The following SPECC1 variants were observed in gnomAD, a reference collection of about 807,000 sequenced individuals.
SPECC1 encodes cytospin-B.
SPECC1 carries 62 observed loss-of-function variants against 104.1 expected under a neutral mutation model. The ratio of observed to expected loss-of-function variants is 0.60; its 90% CI spans 0.49 to 0.74. The LOEUF (loss-of-function observed/expected upper bound fraction) is 0.74, where lower values mean the gene tolerates loss of function less well. Among genes scored for constraint, SPECC1 ranks in the 30% least tolerant of loss-of-function variants. The pLI, the probability that SPECC1 is intolerant of heterozygous loss-of-function variation, is 0.00. For missense variants in SPECC1, 1,306 were observed against 1,310.5 expected, an observed-to-expected ratio of 1.00 and a Z score of 0.05; for synonymous variants, 513 against 501.6, an observed-to-expected ratio of 1.02 and a Z score of -0.30.
chr17:20,194,606 A>G (rs1274721670), intron 3 of SPECC1, among the ~76,000 whole-genome samples: 1 of 145,398 alleles, frequency 6.9e-6, no homozygotes, highest in Non-Finnish European at 1.5e-5. Flanking sequence ...TCCCAGGTTC[A>G]AGCGATTCCC....
chr17:20,098,688 C>T (rs1036008931), intron 2 of SPECC1, among the ~76,000 whole-genome samples: 1 of 152,216 alleles, frequency 6.6e-6, no homozygotes, highest in African/African-American at 2.4e-5. Flanking sequence ...GTGTTTGCTG[C>T]TCCCTCTGCC....
chr17:20,211,098 C>G (rs2037117649), intron 4 of SPECC1, among the ~76,000 whole-genome samples: 1 of 152,226 alleles, frequency 6.6e-6, no homozygotes. Context: ...CTGACCCACC[C>G]TGGCCCTCAG....
intron 1 of SPECC1, among the ~76,000 whole-genome samples, chr17:20,047,451 T>C (rs977281124): frequency 6.6e-6 from 1 of 152,216 alleles, no homozygotes; most frequent in African/African-American, 2.4e-5. Flanking sequence ...TTTCTTGGCA[T>C]ATGCTAAACC....
intron 1 of SPECC1, among the ~76,000 whole-genome samples, chr17:20,027,043 T>C (rs1455233819): frequency 1.3e-5 from 2 of 152,170 alleles, no homozygotes; most frequent in African/African-American, 4.8e-5. Flanking sequence ...TTAGTGATGG[T>C]GAGCATTTTT....
At chr17:20,026,993 G>A (rs942619792) in intron 1 of SPECC1, among the ~76,000 whole-genome samples, 12 of 152,064 alleles carry the variant, frequency 7.9e-5, no homozygotes, top group African/African-American at 2.9e-4. Context: ...TGGAGTGAGA[G>A]GATATCTCAT....
intron 1 of SPECC1, among the ~76,000 whole-genome samples, chr17:20,021,683 A>AATATAT (rs201043286): frequency 3.8e-5 from 5 of 132,368 alleles, no homozygotes; most frequent in African/African-American, 1.4e-4. Flanking sequence ...ATAATATAAT[A>AATATAT]ATATATATAT....
intron 12 of SPECC1, among the ~76,000 whole-genome samples, chr17:20,284,345 G>A (rs550476183): frequency 1.3e-5 from 2 of 152,364 alleles, no homozygotes; most frequent in East Asian, 3.9e-4. Context: ...CATCAGAAAG[G>A]AGGATGCTGT....
At chr17:20,160,611 A>G (rs2151125550) in intron 3 of SPECC1, among the ~76,000 whole-genome samples, 1 of 152,352 alleles carries the variant, frequency 6.6e-6, no homozygotes, top group Admixed American at 6.5e-5. Flanking sequence ...ACACCCATGT[A>G]CCAACCACCT....
chr17:20,301,371 C>T (rs1598168260), intron 13 of SPECC1, among the ~76,000 whole-genome samples: 2 of 151,508 alleles, frequency 1.3e-5, no homozygotes, highest in African/African-American at 2.4e-5. Context: ...CCAGCCCCAG[C>T]CTGGAGCCGT....
At chr17:20,299,385 T>G (rs1170852210) in intron 13 of SPECC1, among the ~76,000 whole-genome samples, 1 of 87,722 alleles carries the variant, frequency 1.1e-5, no homozygotes, top group East Asian at 2.4e-4. Flanking sequence ...CAGACCTCCA[T>G]TTCTACAAAA....
chr17:20,158,076 A>G (rs1484111439), intron 3 of SPECC1, among the ~76,000 whole-genome samples: 1 of 152,164 alleles, frequency 6.6e-6, no homozygotes, highest in Non-Finnish European at 1.5e-5. Context: ...AGATCCTGGA[A>G]ATTAGAGCTT....
intron 4 of SPECC1, among the ~76,000 whole-genome samples, chr17:20,210,046 A>G (rs1358725201): frequency 1.3e-5 from 2 of 152,296 alleles, no homozygotes; most frequent in African/African-American, 4.8e-5. Context: ...CAGAGGTGAA[A>G]TGACTAGTGT....
chr17:20,265,391 A>G (rs867980360), intron 12 of SPECC1, among the ~76,000 whole-genome samples: 21 of 152,258 alleles, frequency 1.4e-4, no homozygotes, highest in African/African-American at 4.6e-4. Context: ...TGTTTATTGA[A>G]TGTATATATG....
At chr17:20,290,507 T>A (rs1383953492) in intron 12 of SPECC1, 1 of 151,964 alleles carries the variant, frequency 6.6e-6, no homozygotes, top group Non-Finnish European at 1.5e-5. Context: ...GATTTTTATT[T>A]TTATGTATTT....
At chr17:20,195,747 T>G (rs2035990912) in intron 3 of SPECC1, among the ~76,000 whole-genome samples, 2 of 152,238 alleles carry the variant, frequency 1.3e-5, no homozygotes, top group South Asian at 2.1e-4. Flanking sequence ...TTAGTAGAGA[T>G]AGAGTTTTGC....
At chr17:20,069,264 G>A (rs957615334) in intron 1 of SPECC1, among the ~76,000 whole-genome samples, 1 of 152,190 alleles carries the variant, frequency 6.6e-6, no homozygotes, top group African/African-American at 2.4e-5. Context: ...CTCCATCCAT[G>A]TCCCTATAAA....
At chr17:20,145,428 G>T (rs987701918) in intron 3 of SPECC1, among the ~76,000 whole-genome samples, 27 of 152,186 alleles carry the variant, frequency 1.8e-4, no homozygotes, top group African/African-American at 6.3e-4. Context: ...AAGGGTGCAG[G>T]TTCTTTCCAT....
intron 4 of SPECC1, among the ~76,000 whole-genome samples, chr17:20,214,804 G>A (rs548717601): frequency 2.6e-5 from 4 of 152,304 alleles, no homozygotes; most frequent in African/African-American, 9.6e-5. Context: ...CACTGCACCC[G>A]GCCTGGAAAG....
At chr17:20,231,700 GTCTTC>G (rs1004034270) in intron 5 of SPECC1, 53 bp from the exon 6 acceptor site, 22 of 1,527,458 alleles carry the variant, frequency 1.4e-5, no homozygotes, top group African/African-American at 1.2e-4. Flanking sequence ...TACCTAGCGT[GTCTTC>G]TCTTAAGAGT....
Sources: gnomAD v4.1 joint callset for allele counts (sites outside exome capture counted in the v4.1 genomes callset) on GRCh38, gnomAD v4.1.1 for gene constraint, MANE v1.5 for transcripts, NCBI Gene and HGNC (gene_info 2026-07-23, HGNC 2026-07-21) for gene names.